NPSR1: variants seen among roughly 807,000 people sequenced by gnomAD.
NPSR1 encodes the protein neuropeptide S receptor 1.
A neutral mutation model predicts 46.9 loss-of-function variants in NPSR1; 48 were observed. The ratio of observed to expected loss-of-function variants is 1.02; its 90% CI spans 0.81 to 1.30. The LOEUF (loss-of-function observed/expected upper bound fraction) is 1.30, where lower values mean the gene tolerates loss of function less well. Ranked by LOEUF, NPSR1 falls within the 50% of genes most tolerant of loss-of-function variation. NPSR1 has a pLI of 0.00. For synonymous variants in NPSR1, 176 were observed against 168.1 expected (o/e 1.05, Z -0.36); for missense variants, 450 against 449.5 (o/e 1.00, Z -0.01).
chr7:34,718,191 T>C (rs1482958161), intron 2 of NPSR1, among the ~76,000 whole-genome samples: 3 of 152,194 alleles, frequency 2.0e-5, no homozygotes, highest in East Asian at 3.8e-4. Context: ...TAAATAACAA[T>C]AATAAAATGT....
At chr7:34,788,351 GA>G (rs1023166447) in intron 3 of NPSR1, among the ~76,000 whole-genome samples, 1 of 148,078 alleles carries the variant, frequency 6.8e-6, no homozygotes, top group African/African-American at 2.5e-5. Context: ...TAGAAGAAAG[GA>G]AAAAAAACAC....
At chr7:34,756,441 G>T (rs915899210) in intron 2 of NPSR1, among the ~76,000 whole-genome samples, 8 of 152,146 alleles carry the variant, frequency 5.3e-5, no homozygotes, top group Admixed American at 5.2e-4. Flanking sequence ...AGGGGTCTAA[G>T]GTCTAGGACA....
At chr7:34,843,314 G>C (rs1790636809) in intron 6 of NPSR1, among the ~76,000 whole-genome samples, 2 of 152,216 alleles carry the variant, frequency 1.3e-5, no homozygotes, top group African/African-American at 4.8e-5. Flanking sequence ...GCAGAAAACA[G>C]AGGGCGAAAG....
chr7:34,676,660 A>G (rs554645473), intron 1 of NPSR1, among the ~76,000 whole-genome samples: 1 of 152,302 alleles, frequency 6.6e-6, no homozygotes, highest in African/African-American at 2.4e-5. Context: ...TATAACTTAC[A>G]CACTCTACCT....
chr7:34,689,482 G>A lies in NPSR1; in HGVS notation c.280+4798G>A, dbSNP rs1793109718. ...TAGCTGGGTGTGGTGGTGGACGCCTGTAGTCACAGCTACTCGGGAGGCTGA... is the reference window on the plus strand; with the variant it reads ...TAGCTGGGTGTGGTGGTGGACGCCTATAGTCACAGCTACTCGGGAGGCTGA... On this transcript the variant is annotated intron_variant, in intron 2 of 8. Transcript: ENST00000360581. Among the ~76,000 whole-genome samples the A allele has an allele frequency of 2.0e-5, 3 of 151,758 alleles. No individual in the cohort carries two copies. In the South Asian group the frequency reaches 6.3e-4, roughly 32 times the overall value.
At chr7:34,732,431 G>A (rs1189820935) in intron 2 of NPSR1, among the ~76,000 whole-genome samples, 1 of 152,118 alleles carries the variant, frequency 6.6e-6, no homozygotes, top group Non-Finnish European at 1.5e-5. Context: ...GTGGGGGCAG[G>A]AACTGGACCA....
At chr7:34,858,866 G>T (rs191878788) in intron 8 of NPSR1, among the ~76,000 whole-genome samples, 6 of 151,748 alleles carry the variant, frequency 4.0e-5, no homozygotes, top group African/African-American at 9.7e-5. Flanking sequence ...GAGATCTGGG[G>T]GGGGGACACA....
intron 5 of NPSR1, among the ~76,000 whole-genome samples, chr7:34,833,070 G>C (rs2128759124): frequency 6.6e-6 from 1 of 152,312 alleles, no homozygotes; most frequent in African/African-American, 2.4e-5. Flanking sequence ...AATGGGAAAA[G>C]GCAGTAAGAA....
At chr7:34,798,406 G>A (rs187614755) in intron 3 of NPSR1, among the ~76,000 whole-genome samples, 11 of 152,124 alleles carry the variant, frequency 7.2e-5, no homozygotes, top group East Asian at 3.9e-4. Context: ...GTGGTGGCAC[G>A]CACCTGTAAT....
At chr7:34,819,902 C>G (rs1287135499) in intron 4 of NPSR1, among the ~76,000 whole-genome samples, 1 of 152,106 alleles carries the variant, frequency 6.6e-6, no homozygotes, top group East Asian at 1.9e-4. Context: ...TGGGGAACAT[C>G]AGACACCGGG....
At chr7:34,729,795 C>T (rs750174824) in intron 2 of NPSR1, among the ~76,000 whole-genome samples, 16 of 152,158 alleles carry the variant, frequency 1.1e-4, no homozygotes, top group Non-Finnish European at 1.9e-4. Context: ...GTTTTGGGGA[C>T]AGAGTCTTGC....
intron 3 of NPSR1, among the ~76,000 whole-genome samples, chr7:34,794,421 C>T (rs1788080647): frequency 1.3e-5 from 2 of 152,050 alleles, no homozygotes; most frequent in African/African-American, 4.8e-5. Context: ...ACAATCTTAT[C>T]TCACAGATTT....
chr7:34,739,646 G>C (rs1354478611), intron 2 of NPSR1, among the ~76,000 whole-genome samples: 2 of 152,154 alleles, frequency 1.3e-5, no homozygotes, highest in Admixed American at 6.5e-5. Context: ...GTGGCTTCCT[G>C]AGAGCTGAGC....
intron 2 of NPSR1, among the ~76,000 whole-genome samples, chr7:34,693,053 G>A (rs1304402125): frequency 6.6e-6 from 1 of 152,086 alleles, no homozygotes; most frequent in Non-Finnish European, 1.5e-5. Context: ...ATGAGCTTTT[G>A]TGAGATCTGG....
At chr7:34,798,284 C>T (rs780266868) in intron 3 of NPSR1, among the ~76,000 whole-genome samples, 12 of 152,120 alleles carry the variant, frequency 7.9e-5, no homozygotes, top group Non-Finnish European at 1.5e-4. Flanking sequence ...CCTGTAATCC[C>T]AGAACTTTGG....
At position 34,838,524 on chromosome 7, in the gene NPSR1, G is replaced by A. The variant is rs142882954; in HGVS notation, c.757+4064G>A. Among the ~76,000 whole-genome samples, 96 of 152,170 alleles carry A rather than the reference G, an allele frequency of 6.3e-4. 1 individual carries two copies. The highest frequency in any genetic ancestry group is 2.0e-3 in the African/African-American group (82 of 41,514). ...CAGCTCTGGAGTTGGCAGGTAAATC[G>A]GATCTCCAGCTGGGTCCGCATGCCA... is the stretch of plus-strand genomic sequence containing the variant. On this transcript the variant is annotated intron_variant, in intron 6 of 8. Coordinates refer to ENST00000360581, the MANE Select transcript of NPSR1 (RefSeq NM_207172.2).
At chr7:34,778,394 T>C (rs1787074572) in intron 2 of NPSR1, 68 bp from the exon 3 acceptor site, 1 of 912,452 alleles carries the variant, frequency 1.1e-6, no homozygotes, top group Non-Finnish European at 1.7e-6. Context: ...TATTGTGGCT[T>C]AGCTGCAAAT....
chr7:34,852,261 C>CTGCA (rs1354747348), downstream of NPSR1, among the ~76,000 whole-genome samples: 2 of 152,048 alleles, frequency 1.3e-5, no homozygotes, highest in Non-Finnish European at 2.9e-5. Flanking sequence ...GATCACGTCA[C>CTGCA]TGCACTGCGG....
intron 2 of NPSR1, among the ~76,000 whole-genome samples, chr7:34,739,145 T>G (rs1048754433): frequency 2.6e-5 from 4 of 152,220 alleles, no homozygotes; most frequent in Admixed American, 6.5e-5. Flanking sequence ...CATCCACTGA[T>G]GGACATTTGG....
Sources: gnomAD v4.1 joint callset for allele counts (sites outside exome capture counted in the v4.1 genomes callset) on GRCh38, gnomAD v4.1.1 for gene constraint, MANE v1.5 for transcripts, NCBI Gene and HGNC (gene_info 2026-07-23, HGNC 2026-07-21) for gene names.